Variants in TNFSF8 observed in about 807,000 individuals in gnomAD.
The protein encoded by TNFSF8 is TNF superfamily member 8.
Under a neutral mutation model 22.0 loss-of-function variants are expected in TNFSF8, and 4 were observed. The observed-to-expected ratio is 0.18, with a 90% CI of 0.09 to 0.42. The LOEUF (loss-of-function observed/expected upper bound fraction) is 0.42. TNFSF8 is among the 10% of genes least tolerant of loss of function. The probability of loss-of-function intolerance (pLI) is 1.00; values close to 1 mark genes in which losing one functional copy is unlikely to be tolerated. For synonymous variants in TNFSF8, 106 were observed against 112.5 expected, an observed-to-expected ratio of 0.94 and a Z score of 0.37; for missense variants, 233 against 281.8, an observed-to-expected ratio of 0.83 and a Z score of 1.24.
At chr9:114,914,708 ACT>A (rs1442163799) in intron 2 of TNFSF8, among the ~76,000 whole-genome samples, 1 of 152,020 alleles carries the variant, frequency 6.6e-6, no homozygotes, top group Non-Finnish European at 1.5e-5. Context: ...ATCATTATTA[ACT>A]CTGTCTTCTG....
At chr9:114,905,454 C>T (rs1827772641) in intron 3 of TNFSF8, among the ~76,000 whole-genome samples, 1 of 152,006 alleles carries the variant, frequency 6.6e-6, no homozygotes, top group Admixed American at 6.6e-5. Context: ...TGCCTGCCTC[C>T]CTTGCATTAG....
At chr9:114,913,448 C>T (rs1465533481) in intron 2 of TNFSF8, among the ~76,000 whole-genome samples, 2 of 152,184 alleles carry the variant, frequency 1.3e-5, no homozygotes, top group Middle Eastern at 3.2e-3. Flanking sequence ...CAAACCCATG[C>T]GTGTGGCCCT....
At chr9:114,897,414 C>G (rs1161000177), downstream of TNFSF8, among the ~76,000 whole-genome samples, 8 of 151,962 alleles carry the variant, frequency 5.3e-5, no homozygotes, top group Non-Finnish European at 1.2e-4. Flanking sequence ...GCTGTGATTA[C>G]CCAGTGCTAA....
downstream of TNFSF8, among the ~76,000 whole-genome samples, chr9:114,898,667 A>C (rs964813439): frequency 1.4e-4 from 21 of 152,296 alleles, no homozygotes; most frequent in African/African-American, 4.8e-4. Flanking sequence ...TGGTGAGGTC[A>C]GTTTGTACAT....
chr9:114,910,465 A>T (rs922729096), intron 2 of TNFSF8, among the ~76,000 whole-genome samples: 3 of 152,194 alleles, frequency 2.0e-5, no homozygotes, highest in Non-Finnish European at 2.9e-5. Context: ...GGTTCAGAAC[A>T]CAGGGCTTCT....
intron 2 of TNFSF8, among the ~76,000 whole-genome samples, chr9:114,916,082 T>G (rs1827914726): frequency 6.6e-6 from 1 of 152,234 alleles, no homozygotes; most frequent in East Asian, 1.9e-4. Context: ...GGACAGCTTT[T>G]TATTTTGCCT....
intron 1 of TNFSF8, among the ~76,000 whole-genome samples, chr9:114,920,345 C>G (rs190601195): frequency 6.6e-6 from 1 of 152,330 alleles, no homozygotes; most frequent in Admixed American, 6.5e-5. Context: ...GTACAGCCAT[C>G]ATTGCAGAGG....
chr9:114,911,337 C>T (rs937340301), intron 2 of TNFSF8, among the ~76,000 whole-genome samples: 1 of 152,142 alleles, frequency 6.6e-6, no homozygotes, highest in African/African-American at 2.4e-5. Flanking sequence ...TCTGCCATGC[C>T]CTGGCTTCTT....
Position 114,916,857 on chromosome 9 carries a change from A to T in TNFSF8, c.238+1239T>A, listed in dbSNP as rs576325388. ...ACGTTTACTATCTGGCCCTTCGTAG[A>T]AAAAGTTTGCTTACCCCTGCATTCT... is the stretch of plus-strand genomic sequence containing the variant. On this transcript the variant is annotated intron_variant, in intron 2 of 3. Coordinates refer to ENST00000223795, the MANE Select transcript of TNFSF8 (RefSeq NM_001244.4). Among the ~76,000 whole-genome samples, 4 of 152,312 alleles carry T rather than the reference A, an allele frequency of 2.6e-5. No individual in the cohort carries two copies. In the South Asian group the frequency reaches 8.3e-4, roughly 32 times the overall value.
At chr9:114,912,116 T>C (rs974836925) in intron 2 of TNFSF8, among the ~76,000 whole-genome samples, 1 of 152,252 alleles carries the variant, frequency 6.6e-6, no homozygotes, top group South Asian at 2.1e-4. Flanking sequence ...ACTAGCTGTG[T>C]GGCTTTGCAA....
At chr9:114,922,830 G>A (rs1004584979) in intron 1 of TNFSF8, among the ~76,000 whole-genome samples, 3 of 152,138 alleles carry the variant, frequency 2.0e-5, no homozygotes, top group Non-Finnish European at 4.4e-5. Context: ...GACCAGCATC[G>A]GGGGATTTTG....
downstream of TNFSF8, among the ~76,000 whole-genome samples, chr9:114,900,399 G>A (rs1363742730): frequency 2.0e-5 from 3 of 152,242 alleles, no homozygotes; most frequent in African/African-American, 7.2e-5. Flanking sequence ...GCAGGGAGCA[G>A]ACACTTGCGA....
At chr9:114,915,412 G>T (rs1048402879) in intron 2 of TNFSF8, among the ~76,000 whole-genome samples, 7 of 152,156 alleles carry the variant, frequency 4.6e-5, no homozygotes, top group African/African-American at 1.7e-4. Context: ...GGTCAGTTCT[G>T]GAGCCCAGGA....
At chr9:114,900,494 A>G (rs1314134261), downstream of TNFSF8, among the ~76,000 whole-genome samples, 1 of 152,156 alleles carries the variant, frequency 6.6e-6, no homozygotes, top group African/African-American at 2.4e-5. Flanking sequence ...CAGCCTTGAT[A>G]GGGCCTCCTA....
At chr9:114,897,423 A>C (rs1469665594), downstream of TNFSF8, among the ~76,000 whole-genome samples, 1 of 152,118 alleles carries the variant, frequency 6.6e-6, no homozygotes, top group Non-Finnish European at 1.5e-5. Flanking sequence ...ACCCAGTGCT[A>C]AATAAGATTG....
rs184300587 is a variant in TNFSF8, at chr9:114,915,924, T to A, written c.238+2172A>T. Among the ~76,000 whole-genome samples the A allele has an allele frequency of 5.9e-5, 9 of 152,306 alleles. No individual in the cohort carries two copies. In the East Asian group the frequency reaches 1.7e-3, roughly 29 times the overall value. On this transcript the variant is annotated intron_variant, in intron 2 of 3. Transcript: ENST00000223795. Reference sequence around the variant, plus strand: ...ATTGAATTGTAAACTGAGGTTGGTTTTGATTACTTTGTGTTCTGATATTCC... The same window carrying A: ...ATTGAATTGTAAACTGAGGTTGGTTATGATTACTTTGTGTTCTGATATTCC...
At chr9:114,916,501 A>G (rs1827920647) in intron 2 of TNFSF8, among the ~76,000 whole-genome samples, 1 of 152,206 alleles carries the variant, frequency 6.6e-6, no homozygotes, top group South Asian at 2.1e-4. Flanking sequence ...TCAAAAAATG[A>G]AAAGTTTCCA....
intron 1 of TNFSF8, among the ~76,000 whole-genome samples, chr9:114,929,134 G>A (rs1427500036): frequency 6.6e-6 from 1 of 152,002 alleles, no homozygotes; most frequent in Non-Finnish European, 1.5e-5. Flanking sequence ...AATATATACT[G>A]GTAGATTCTC....
chr9:114,928,325 T>A (rs79152080), intron 1 of TNFSF8, among the ~76,000 whole-genome samples: 7 of 152,304 alleles, frequency 4.6e-5, no homozygotes, highest in African/African-American at 1.7e-4. Context: ...CAGTATTGGC[T>A]CTACCACTTT....
Sources: allele counts gnomAD v4.1 joint callset (sites outside exome capture counted in the v4.1 genomes callset), GRCh38; gene constraint gnomAD v4.1.1; transcripts MANE v1.5; gene names NCBI Gene and HGNC (gene_info 2026-07-23, HGNC 2026-07-21).